TAF3: variants seen among roughly 807,000 people sequenced by gnomAD.
TAF3 encodes the protein TATA-box binding protein associated factor 3, also known as transcription initiation factor TFIID subunit 3.
TAF3 carries 7 observed loss-of-function variants against 80.6 expected under a neutral mutation model. The observed-to-expected ratio is 0.09, with a 90% confidence interval of 0.05 to 0.16. TAF3 has a LOEUF of 0.16. Among genes scored for constraint, TAF3 ranks in the 10% least tolerant of loss-of-function variants. The pLI, the probability that TAF3 is intolerant of heterozygous loss-of-function variation, is 1.00. For missense variants in TAF3, 921 were observed against 1,140.2 expected (o/e 0.81, Z 2.77); for synonymous variants, 444 against 446.1 (o/e 1.00, Z 0.06).
intron 4 of TAF3, among the ~76,000 whole-genome samples, chr10:7,988,769 A>G (rs1831804904): frequency 6.7e-6 from 1 of 150,046 alleles, no homozygotes. Flanking sequence ...AAAAAAAAAA[A>G]AATCAAGATT....
chr10:7,900,082 GT>G (rs1320327593), intron 2 of TAF3, among the ~76,000 whole-genome samples: 1 of 152,182 alleles, frequency 6.6e-6, no homozygotes, highest in African/African-American at 2.4e-5. Context: ...TATCCATCCT[GT>G]GTAATGGTGT....
chr10:7,856,183 G>A (rs1837077311), intron 2 of TAF3, among the ~76,000 whole-genome samples: 1 of 152,070 alleles, frequency 6.6e-6, no homozygotes, highest in African/African-American at 2.4e-5. Flanking sequence ...CCTAGAAAAA[G>A]CAGAATCAGA....
chr10:8,015,033 TAA>T lies in TAF3; in HGVS notation c.*283_*284del. On this transcript the variant is annotated 3_prime_UTR_variant, in exon 7 of 7. Transcript: ENST00000344293. ...CTCTAATACCAGTGACAAGTATTATTAATAAAGAGCGTACATCTTCCCTTTTG... is the reference window on the plus strand; with the variant it reads ...CTCTAATACCAGTGACAAGTATTATTTAAAGAGCGTACATCTTCCCTTTTG... 3.4e-6 allele frequency: 1 copy of T among 290,952 alleles called. No individual in the cohort carries two copies. Among genetic ancestry groups the T allele is most frequent in the Non-Finnish European group, 6.6e-6 (1 of 151,808 alleles). 18.0% of individuals were successfully genotyped at this position (290,952 alleles called of 1,614,324 possible).
chr10:7,983,094 C>T (rs1461378178), intron 4 of TAF3, among the ~76,000 whole-genome samples: 1 of 152,198 alleles, frequency 6.6e-6, no homozygotes, highest in Non-Finnish European at 1.5e-5. Flanking sequence ...TAGGGCTCTG[C>T]CCACCCTCCT....
chr10:7,896,358 T>C (rs992227372), intron 2 of TAF3, among the ~76,000 whole-genome samples: 8 of 152,208 alleles, frequency 5.3e-5, no homozygotes, highest in African/African-American at 1.9e-4. Flanking sequence ...AATGCTGTCC[T>C]GTGCAACTAC....
intron 2 of TAF3, among the ~76,000 whole-genome samples, chr10:7,927,623 G>A (rs993348622): frequency 1.3e-5 from 2 of 152,040 alleles, no homozygotes; most frequent in African/African-American, 2.4e-5. Context: ...ATATTTTAAC[G>A]TCAGATAATG....
intron 2 of TAF3, among the ~76,000 whole-genome samples, chr10:7,935,565 C>G (rs1038033328): frequency 3.3e-5 from 5 of 152,070 alleles, no homozygotes; most frequent in Non-Finnish European, 5.9e-5. Flanking sequence ...GCCTGAGTGA[C>G]AGAGAGAGAC....
chr10:7,958,204 CAT>C (rs1838155641), intron 2 of TAF3, among the ~76,000 whole-genome samples: 1 of 152,038 alleles, frequency 6.6e-6, no homozygotes. Flanking sequence ...ACACTTAAAA[CAT>C]AGAATTAAAA....
At chr10:7,944,557 T>C (rs1838006879) in intron 2 of TAF3, among the ~76,000 whole-genome samples, 1 of 152,190 alleles carries the variant, frequency 6.6e-6, no homozygotes, top group Non-Finnish European at 1.5e-5. Flanking sequence ...TTGTCTGAGA[T>C]AGAGCAGGAG....
chr10:7,944,995 T>C (rs1010794831), intron 2 of TAF3, among the ~76,000 whole-genome samples: 1 of 152,198 alleles, frequency 6.6e-6, no homozygotes. Flanking sequence ...CCTAGAAATA[T>C]GGGCAGCATG....
chr10:7,848,950 G>T (rs1836999526), intron 2 of TAF3, among the ~76,000 whole-genome samples: 1 of 152,258 alleles, frequency 6.6e-6, no homozygotes, highest in African/African-American at 2.4e-5. Flanking sequence ...TCCCAGTAGG[G>T]TGTTTTTGAG....
intron 5 of TAF3, among the ~76,000 whole-genome samples, chr10:8,011,357 G>A (rs2131442923): frequency 6.6e-6 from 1 of 152,248 alleles, no homozygotes; most frequent in Non-Finnish European, 1.5e-5. Context: ...GGGCCCCAGT[G>A]ATCCCCTCAC....
At chr10:7,979,301 G>A (rs989089966) in intron 4 of TAF3, among the ~76,000 whole-genome samples, 33 of 140,124 alleles carry the variant, frequency 2.4e-4, no homozygotes, top group Non-Finnish European at 4.6e-4. Flanking sequence ...CTGAGATCGC[G>A]CCACTGAACT....
intron 2 of TAF3, among the ~76,000 whole-genome samples, chr10:7,929,259 G>T (rs1226689165): frequency 6.1e-5 from 9 of 147,494 alleles, no homozygotes; most frequent in Non-Finnish European, 6.0e-5. Context: ...TTTTTTTGTT[G>T]TTTTTTTTTT....
chr10:7,965,713 A>G lies in TAF3; in HGVS notation c.2203A>G (p.Lys735Glu). 1 of 1,553,110 alleles carries G rather than the reference A, an allele frequency of 6.4e-7. No individual in the cohort carries two copies. Among genetic ancestry groups the G allele is most frequent in the East Asian group, 2.3e-5 (1 of 43,940 alleles). ...GAAGAGAGAGCGAGAGAAGAGAGAA[A>G]AAGAGAAGGAGAAACACAAGCATGA... ...KEKREREKREKEKEKHKHEKI... is the reference protein window; with the variant it reads ...KEKREREKREEEKEKHKHEKI... Residue 735 changes from lysine (K) to glutamate (E), a missense_variant, in exon 3 of 7, where the codon AAA becomes GAA. By Grantham distance (56) the Lys-to-Glu change is moderately conservative (BLOSUM62 1). This residue lies in a region of TAF3 where 743 missense variants were observed against 821.0 expected (regional missense o/e 0.90). Transcript: ENST00000344293.
intron 5 of TAF3, among the ~76,000 whole-genome samples, chr10:8,011,327 C>T (rs1832054090): frequency 6.6e-6 from 1 of 152,170 alleles, no homozygotes; most frequent in Non-Finnish European, 1.5e-5. Flanking sequence ...CAATACCACT[C>T]ACTGCAGCCT....
intron 2 of TAF3, among the ~76,000 whole-genome samples, chr10:7,957,451 A>T (rs1311551841): frequency 6.6e-6 from 1 of 152,146 alleles, no homozygotes; most frequent in African/African-American, 2.4e-5. Flanking sequence ...TTTCCAAGGC[A>T]TATCTCTATT....
At chr10:7,943,449 G>T (rs1040502367) in intron 2 of TAF3, among the ~76,000 whole-genome samples, 1 of 152,148 alleles carries the variant, frequency 6.6e-6, no homozygotes, top group South Asian at 2.1e-4. Context: ...CACTTGCTGA[G>T]TGGGAGCCCC....
intron 2 of TAF3, among the ~76,000 whole-genome samples, chr10:7,841,897 G>GT (rs1417799647): frequency 6.6e-6 from 1 of 152,048 alleles, no homozygotes; most frequent in African/African-American, 2.4e-5. Flanking sequence ...AAATAATCAG[G>GT]TAGAGCTCAG....
Sources: allele counts gnomAD v4.1 joint callset (sites outside exome capture counted in the v4.1 genomes callset), GRCh38; gene constraint gnomAD v4.1.1; regional missense constraint gnomAD v4.1.1; transcripts MANE v1.5; gene names NCBI Gene and HGNC (gene_info 2026-07-23, HGNC 2026-07-21).